DPF3: variants seen among roughly 807,000 people sequenced by gnomAD.
DPF3 encodes zinc finger protein DPF3.
Under a neutral mutation model 56.8 loss-of-function variants are expected in DPF3, and 18 were observed. The ratio of observed to expected loss-of-function variants is 0.32; its 90% CI spans 0.22 to 0.47. The LOEUF is 0.47. DPF3 is among the 20% of genes least tolerant of loss of function. The probability of loss-of-function intolerance (pLI) is 1.00; values close to 1 mark genes in which losing one functional copy is unlikely to be tolerated. For synonymous variants in DPF3, 188 were observed against 180.2 expected (o/e 1.04, Z -0.35); for missense variants, 403 against 488.8 (o/e 0.82, Z 1.65).
intron 7 of DPF3, among the ~76,000 whole-genome samples, chr14:72,690,691 C>T (rs1270887634): frequency 1.3e-5 from 2 of 151,940 alleles, no homozygotes; most frequent in Non-Finnish European, 2.9e-5. Context: ...ACAGGAGAAC[C>T]AAGGAAAATG....
intron 1 of DPF3, among the ~76,000 whole-genome samples, chr14:72,872,554 G>A (rs980625837): frequency 1.2e-4 from 19 of 152,038 alleles, no homozygotes; most frequent in Non-Finnish European, 8.8e-5. Context: ...CTTTCTTCAC[G>A]GAATTGGAAA....
At chr14:72,828,553 CTT>C (rs1451618754) in intron 1 of DPF3, among the ~76,000 whole-genome samples, 1 of 21,606 alleles carries the variant, frequency 4.6e-5, no homozygotes, top group Non-Finnish European at 1.1e-4. Flanking sequence ...AAAAAAAAAA[CTT>C]AATATGATTT....
At chr14:72,741,116 C>G (rs1436128074) in intron 3 of DPF3, among the ~76,000 whole-genome samples, 1 of 152,206 alleles carries the variant, frequency 6.6e-6, no homozygotes, top group Non-Finnish European at 1.5e-5. Flanking sequence ...AGATGGCACA[C>G]ACTTTTCCAG....
rs77559167 is a variant in DPF3 at position 72,851,991 on chromosome 14, C to T, written c.32+42066G>A. Among the ~76,000 whole-genome samples, 1,171 of 152,348 alleles carry T rather than the reference C, an allele frequency of 7.7e-3. 17 individuals are homozygous for T. Among genetic ancestry groups the T allele is most frequent in the African/African-American group, 0.027 (1,126 of 41,590 alleles). On this transcript the variant is annotated intron_variant, in intron 1 of 10. Coordinates refer to ENST00000556509, the MANE Select transcript of DPF3 (RefSeq NM_001280542.3). Reference sequence around the variant, plus strand: ...CAAACATCAATTAATCCTCAAAAGACGCTTTCAAGAAGAACATTATCCCTT... The same window carrying T: ...CAAACATCAATTAATCCTCAAAAGATGCTTTCAAGAAGAACATTATCCCTT...
chr14:72,761,891 A>T (rs150121606), intron 2 of DPF3, among the ~76,000 whole-genome samples: 8 of 151,988 alleles, frequency 5.3e-5, no homozygotes, highest in African/African-American at 1.9e-4. Flanking sequence ...CAGATTCTAC[A>T]TATATTAAAA....
intron 1 of DPF3, among the ~76,000 whole-genome samples, chr14:72,882,378 A>T (rs1886356021): frequency 6.6e-6 from 1 of 152,242 alleles, no homozygotes; most frequent in South Asian, 2.1e-4. Flanking sequence ...AATCTAAGTC[A>T]AAAGCCAGCT....
intron 1 of DPF3, among the ~76,000 whole-genome samples, chr14:72,796,487 A>G (rs1357321504): frequency 6.6e-6 from 1 of 152,202 alleles, no homozygotes; most frequent in Non-Finnish European, 1.5e-5. Flanking sequence ...TGGGTTACAG[A>G]GTGAGATTTA....
At chr14:72,792,884 T>C (rs1892498930) in intron 1 of DPF3, among the ~76,000 whole-genome samples, 1 of 151,042 alleles carries the variant, frequency 6.6e-6, no homozygotes, top group African/African-American at 2.4e-5. Context: ...TTTTATAGAC[T>C]GCAAGGAAAA....
rs114248661 is a variant in DPF3 at position 72,732,070 on chromosome 14, G to C, written c.302-136C>G. ...TGTGCTCTCTCCTCCTGGAGGGAGAGGAACACTGGAGCCCTGTCCAGCTTT... is the reference window on the plus strand; with the variant it reads ...TGTGCTCTCTCCTCCTGGAGGGAGACGAACACTGGAGCCCTGTCCAGCTTT... On this transcript the variant is annotated intron_variant, in intron 3 of 10. Transcript: ENST00000556509. 2,670 of 1,168,270 alleles carry C rather than the reference G, an allele frequency of 2.3e-3. 53 individuals carry two copies. In the African/African-American group the frequency reaches 0.037, roughly 16 times the overall value. 72.4% of individuals were successfully genotyped at this position (1,168,270 alleles called of 1,614,324 possible). A position where few individuals can be genotyped will look rare whatever the true frequency, so the allele number is the denominator to read the frequency against.
rs1264953219 is a variant in DPF3 at position 72,618,515 on chromosome 14, C to T, written c.*782G>A. Among the ~76,000 whole-genome samples, 2 of 152,226 alleles carry T rather than the reference C, an allele frequency of 1.3e-5. No homozygotes were observed. Among genetic ancestry groups the T allele is most frequent in the African/African-American group, 2.4e-5 (1 of 41,452 alleles). Reference sequence around the variant, plus strand: ...TGGTCTCACCTAAAGGATGCCCCAGCTCTGAAGGTCAAGGAACCAGCCTGG... The same window carrying T: ...TGGTCTCACCTAAAGGATGCCCCAGTTCTGAAGGTCAAGGAACCAGCCTGG... On this transcript the variant is annotated 3_prime_UTR_variant, in exon 11 of 11. Coordinates refer to ENST00000556509, the MANE Select transcript of DPF3 (RefSeq NM_001280542.3).
At chr14:72,673,708 G>C (rs901619267) in intron 8 of DPF3, among the ~76,000 whole-genome samples, 1 of 152,188 alleles carries the variant, frequency 6.6e-6, no homozygotes, top group African/African-American at 2.4e-5. Context: ...CTTCTGTTCT[G>C]TTTTAGAAAA....
At chr14:72,790,207 C>T (rs936275607) in intron 1 of DPF3, among the ~76,000 whole-genome samples, 10 of 152,156 alleles carry the variant, frequency 6.6e-5, no homozygotes, top group South Asian at 4.2e-4. Context: ...GTCAACAAAG[C>T]GAGACCCCAT....
intron 3 of DPF3, 28 bp from the exon 4 acceptor site, chr14:72,731,962 C>A: frequency 6.4e-7 from 1 of 1,560,342 alleles, no homozygotes; most frequent in South Asian, 1.2e-5. Flanking sequence ...AAAGGCAGGT[C>A]AGGCCACTAG....
chr14:72,610,630 A>G lies in DPF3; in HGVS notation c.*8667T>C, dbSNP rs1421010174. On this transcript the variant is annotated 3_prime_UTR_variant, in exon 11 of 11. Coordinates refer to ENST00000556509, the MANE Select transcript of DPF3 (RefSeq NM_001280542.3). ...GTCTAGTTCTGGCTTTTGTGAATCG[A>G]CCGTGTGACGTAGACAGCACAGCAT... Among the ~76,000 whole-genome samples, 3 of 152,200 alleles carry G rather than the reference A, an allele frequency of 2.0e-5. No homozygotes were observed. Among genetic ancestry groups the G allele is most frequent in the Non-Finnish European group, 4.4e-5 (3 of 68,036 alleles).
At chr14:72,708,427 G>A (rs536448845) in intron 6 of DPF3, among the ~76,000 whole-genome samples, 52 of 152,080 alleles carry the variant, frequency 3.4e-4, no homozygotes, top group African/African-American at 1.1e-3. Flanking sequence ...TCCCCTCCCC[G>A]ATCCTACCCC....
At chr14:72,892,133 A>T (rs1276445986) in intron 1 of DPF3, 1 of 1,530,318 alleles carries the variant, frequency 6.5e-7, no homozygotes, top group Admixed American at 2.0e-5. Flanking sequence ...CGGCTTTCCC[A>T]GGAGGAAACA....
rs1008670436 is a variant in DPF3, at chr14:72,833,568, G to GA, written c.32+60488dup. On this transcript the variant is annotated intron_variant, in intron 1 of 10. Coordinates refer to ENST00000556509, the MANE Select transcript of DPF3 (RefSeq NM_001280542.3). Reference sequence around the variant, plus strand: ...TGAGTCAAGGACAGAAACTCTGGGGGAAAAAAAAAATTTAAGGGCAGTCAG... The same window carrying GA: ...TGAGTCAAGGACAGAAACTCTGGGGGAAAAAAAAAAATTTAAGGGCAGTCAG... 6.7e-3 allele frequency among the ~76,000 whole-genome samples: 1,007 copies of GA among 149,514 alleles called. 12 individuals carry two copies. The highest frequency in any genetic ancestry group is 0.024 in the African/African-American group (959 of 40,762).
At chr14:72,733,517 G>A (rs912436011) in intron 3 of DPF3, among the ~76,000 whole-genome samples, 6 of 152,140 alleles carry the variant, frequency 3.9e-5, no homozygotes, top group African/African-American at 1.2e-4. Context: ...AGAGCCCCAG[G>A]ACAGGAGCTA....
At chr14:72,855,616 T>TC (rs1885144218) in intron 1 of DPF3, among the ~76,000 whole-genome samples, 3 of 152,058 alleles carry the variant, frequency 2.0e-5, no homozygotes, top group Admixed American at 2.0e-4. Context: ...AGCCTGGAGT[T>TC]CTCTCCATGG....
Sources: gnomAD v4.1 joint callset for allele counts (sites outside exome capture counted in the v4.1 genomes callset) on GRCh38, gnomAD v4.1.1 for gene constraint, MANE v1.5 for transcripts, NCBI Gene and HGNC (gene_info 2026-07-23, HGNC 2026-07-21) for gene names.